C10orf90: variants seen among roughly 807,000 people sequenced by gnomAD.
The protein encoded by C10orf90 is (E2-independent) E3 ubiquitin-conjugating enzyme FATS.
C10orf90 carries 56 observed loss-of-function variants against 62.5 expected under a neutral mutation model. The ratio of observed to expected loss-of-function variants is 0.90; its 90% confidence interval spans 0.72 to 1.12. The LOEUF (loss-of-function observed/expected upper bound fraction) is 1.12, where lower values mean the gene tolerates loss of function less well. Among genes scored for constraint, C10orf90 ranks in the 50% most tolerant of loss-of-function variants. The pLI, the probability that C10orf90 is intolerant of heterozygous loss-of-function variation, is 0.00. For synonymous variants in C10orf90, 386 were observed against 340.4 expected, an observed-to-expected ratio of 1.13 and a Z score of -1.47; for missense variants, 970 against 880.4, an observed-to-expected ratio of 1.10 and a Z score of -1.29.
intron 2 of C10orf90, among the ~76,000 whole-genome samples, chr10:126,578,800 T>C (rs1353823373): frequency 6.6e-6 from 1 of 152,102 alleles, no homozygotes; most frequent in African/African-American, 2.4e-5. Context: ...ATTACACAAA[T>C]ATAATGTTGT....
At chr10:126,481,530 C>A (rs753350741) in intron 4 of C10orf90, among the ~76,000 whole-genome samples, 9 of 152,222 alleles carry the variant, frequency 5.9e-5, no homozygotes, top group Non-Finnish European at 1.3e-4. Flanking sequence ...GAGTCCACAT[C>A]CCAAATGGCA....
At chr10:126,628,613 C>T (rs996965792) in intron 2 of C10orf90, among the ~76,000 whole-genome samples, 2 of 152,132 alleles carry the variant, frequency 1.3e-5, no homozygotes, top group Non-Finnish European at 2.9e-5. Flanking sequence ...CAATGCAAGG[C>T]AAGTTCTATT....
chr10:126,426,797 G>A (rs1260832715), intron 8 of C10orf90, among the ~76,000 whole-genome samples: 4 of 152,126 alleles, frequency 2.6e-5, no homozygotes, highest in Admixed American at 6.5e-5. Flanking sequence ...TCTCTCTCTC[G>A]TGTTTGAAAG....
At chr10:126,604,003 TG>T (rs2134045082) in intron 2 of C10orf90, among the ~76,000 whole-genome samples, 1 of 152,244 alleles carries the variant, frequency 6.6e-6, no homozygotes, top group African/African-American at 2.4e-5. Context: ...GCTCGAAGCC[TG>T]GAGTTGAAAT....
At chr10:126,650,891 C>G (rs1329562079) in intron 1 of C10orf90, among the ~76,000 whole-genome samples, 1 of 152,164 alleles carries the variant, frequency 6.6e-6, no homozygotes, top group African/African-American at 2.4e-5. Flanking sequence ...TTCCACCCCC[C>G]AGCCACCTGC....
chr10:126,652,791 TAGATTTCCCC>T (rs1208468488), intron 1 of C10orf90, among the ~76,000 whole-genome samples: 2 of 152,162 alleles, frequency 1.3e-5, no homozygotes, highest in African/African-American at 4.8e-5. Flanking sequence ...ATGAAAGAGG[TAGATTTCCCC>T]AGATTACTTA....
chr10:126,576,728 A>ATC (rs1564879177), intron 2 of C10orf90, among the ~76,000 whole-genome samples: 14 of 36,898 alleles, frequency 3.8e-4, no homozygotes, highest in African/African-American at 1.1e-3. Context: ...AGATATACAT[A>ATC]TATATGTATA....
Position 126,456,662 on chromosome 10 carries a change from A to G in C10orf90, c.2188+2378T>C, listed in dbSNP as rs1859604283. Among the ~76,000 whole-genome samples the G allele has an allele frequency of 6.6e-6, 1 of 152,200 alleles. No individual in the cohort carries two copies. Among genetic ancestry groups the G allele is most frequent in the African/African-American group, 2.4e-5 (1 of 41,462 alleles). On this transcript the variant is annotated intron_variant, in intron 7 of 9. Transcript: ENST00000488181. The surrounding 1 kb of genome is among the most constrained non-coding windows in gnomAD (Gnocchi z 4.9). ...AAATAGGGTCTTTGCAGAGGTAATC[A>G]AGTTAAAATGAGGTCAGACTGGTGA... is the stretch of plus-strand genomic sequence containing the variant.
intron 4 of C10orf90, among the ~76,000 whole-genome samples, chr10:126,493,511 C>T (rs537334626): frequency 6.6e-6 from 1 of 152,108 alleles, no homozygotes; most frequent in Admixed American, 6.5e-5. Context: ...CAGGTGCCTG[C>T]CACCACGCCT....
intron 7 of C10orf90, among the ~76,000 whole-genome samples, chr10:126,440,928 A>C (rs1242738635): frequency 6.6e-6 from 1 of 152,200 alleles, no homozygotes; most frequent in Non-Finnish European, 1.5e-5. Context: ...GACAGAGCCT[A>C]CCCACATGAA....
At chr10:126,465,669 G>C (rs1480592613) in intron 4 of C10orf90, among the ~76,000 whole-genome samples, 2 of 152,168 alleles carry the variant, frequency 1.3e-5, no homozygotes, top group African/African-American at 2.4e-5. Flanking sequence ...TAATAAAGCA[G>C]TGGGTTTAAA....
chr10:126,437,311 T>G (rs935929451), intron 7 of C10orf90, among the ~76,000 whole-genome samples: 3 of 152,228 alleles, frequency 2.0e-5, no homozygotes, highest in Non-Finnish European at 4.4e-5. Flanking sequence ...CCAGTTACCT[T>G]CCAGTCCCTG....
chr10:126,464,799 C>T lies in C10orf90; in HGVS notation c.1722G>A (p.Leu574=). 2 of 1,614,082 alleles carry T rather than the reference C, an allele frequency of 1.2e-6. No individual in the cohort carries two copies. Among genetic ancestry groups the T allele is most frequent in the Non-Finnish European group, 1.7e-6 (2 of 1,180,036 alleles). The stretch of plus-strand genomic sequence containing the variant: ...ACCCAGGAAAAAGGATTCTGGGTTT[C>T]AGGAAGCTTTGATGTCGTCTCTCTG... The part of the protein sequence containing the change: ...EPTERRHQSF[L]KPRILFPGFL... The change falls in exon 5 of 10, where the codon CTG becomes CTA. Residue 574 remains leucine (L), a synonymous_variant. Coordinates refer to ENST00000488181, the MANE Select transcript of C10orf90 (RefSeq NM_001350921.2).
chr10:126,546,569 CT>C (rs1423644227), intron 2 of C10orf90, among the ~76,000 whole-genome samples: 1 of 152,186 alleles, frequency 6.6e-6, no homozygotes, highest in East Asian at 1.9e-4. Flanking sequence ...TAAGGAGGCA[CT>C]CCTAAGCCTC....
chr10:126,512,872 T>C (rs1863211881), intron 3 of C10orf90, among the ~76,000 whole-genome samples: 1 of 152,206 alleles, frequency 6.6e-6, no homozygotes, highest in Non-Finnish European at 1.5e-5. Flanking sequence ...TTTCTCCATC[T>C]TGTGGGATTT....
chr10:126,555,712 A>ATAAT (rs1864753927), intron 2 of C10orf90, among the ~76,000 whole-genome samples: 1 of 149,948 alleles, frequency 6.7e-6, no homozygotes, highest in Non-Finnish European at 1.5e-5. Flanking sequence ...AAATAAATAA[A>ATAAT]TAAATAAAAA....
chr10:126,543,890 C>T (rs949781639), intron 2 of C10orf90, among the ~76,000 whole-genome samples: 3 of 152,136 alleles, frequency 2.0e-5, no homozygotes, highest in Non-Finnish European at 4.4e-5. Context: ...CTGACTCGAG[C>T]TTCAAGGCTA....
chr10:126,511,002 G>A (rs1347231297), intron 3 of C10orf90, among the ~76,000 whole-genome samples: 1 of 152,166 alleles, frequency 6.6e-6, no homozygotes, highest in African/African-American at 2.4e-5. Flanking sequence ...AGCCTACGAT[G>A]TACTTGCCCA....
chr10:126,484,229 A>G (rs1403254426), intron 4 of C10orf90, among the ~76,000 whole-genome samples: 1 of 152,202 alleles, frequency 6.6e-6, no homozygotes, highest in African/African-American at 2.4e-5. Flanking sequence ...AATTCCCTCT[A>G]GATTCATCAT....
Sources: allele counts gnomAD v4.1 joint callset (sites outside exome capture counted in the v4.1 genomes callset), GRCh38; gene constraint gnomAD v4.1.1; non-coding constraint Gnocchi (gnomAD v3.1); transcripts MANE v1.5; gene names NCBI Gene and HGNC (gene_info 2026-07-23, HGNC 2026-07-21).